The following LTBP1 variants were observed in gnomAD, a reference collection of about 807,000 sequenced individuals.
LTBP1 encodes latent transforming growth factor beta binding protein 1, also known as latent-transforming growth factor beta-binding protein 1.
A neutral mutation model predicts 207.6 loss-of-function variants in LTBP1; 129 were observed. The ratio of observed to expected loss-of-function variants is 0.62; its 90% CI spans 0.54 to 0.72. The LOEUF is 0.72. Among genes scored for constraint, LTBP1 ranks in the 30% least tolerant of loss-of-function variants. The pLI, the probability that LTBP1 is intolerant of heterozygous loss-of-function variation, is 0.00. For synonymous variants in LTBP1, 963 were observed against 833.7 expected (o/e 1.16, Z -2.67); for missense variants, 2,281 against 2,217.2 (o/e 1.03, Z -0.58).
At chr2:33,216,876 C>A (rs1463662643) in intron 7 of LTBP1, among the ~76,000 whole-genome samples, 1 of 152,186 alleles carries the variant, frequency 6.6e-6, no homozygotes, top group Non-Finnish European at 1.5e-5. Flanking sequence ...TAACACTGGA[C>A]AACCAGTGTT....
intron 3 of LTBP1, among the ~76,000 whole-genome samples, chr2:33,106,219 A>T (rs538172414): frequency 6.6e-6 from 1 of 152,318 alleles, no homozygotes; most frequent in South Asian, 2.1e-4. Context: ...AGTGACTTCC[A>T]CTGAAGTCTT....
At chr2:33,092,351 A>C (rs140381682) in intron 3 of LTBP1, among the ~76,000 whole-genome samples, 68 of 152,342 alleles carry the variant, frequency 4.5e-4, no homozygotes, top group African/African-American at 1.6e-3. Flanking sequence ...TGCCATGATA[A>C]AGTTCTTTTT....
chr2:33,204,294 A>T (rs2089644816), intron 7 of LTBP1, among the ~76,000 whole-genome samples: 2 of 150,488 alleles, frequency 1.3e-5, no homozygotes, highest in South Asian at 4.1e-4. Context: ...TCACTGTATG[A>T]GACTGTGCAT....
At chr2:33,273,568 C>T in intron 15 of LTBP1, 88 bp from the exon 16 acceptor site, 2 of 1,043,262 alleles carry the variant, frequency 1.9e-6, no homozygotes, top group South Asian at 1.8e-5. Context: ...GCTAGTTGGT[C>T]AGGAAACTCA....
chr2:33,277,257 G>A (rs906391754), intron 18 of LTBP1, among the ~76,000 whole-genome samples: 1 of 152,178 alleles, frequency 6.6e-6, no homozygotes, highest in Non-Finnish European at 1.5e-5. Flanking sequence ...AGAAGTGGGA[G>A]TGTTTTATGT....
intron 4 of LTBP1, among the ~76,000 whole-genome samples, chr2:33,116,595 GTTTAC>G (rs72340296): frequency 0.053 from 8,023 of 151,900 alleles, 669 homozygotes; most frequent in African/African-American, 0.18. Context: ...CAAGCCCACT[GTTTAC>G]TTAAAGTGTA....
chr2:33,079,410 C>G (rs2078272094), intron 3 of LTBP1, among the ~76,000 whole-genome samples: 1 of 152,092 alleles, frequency 6.6e-6, no homozygotes, highest in Non-Finnish European at 1.5e-5. Context: ...TGGGATATAG[C>G]AATTCATTTA....
intron 2 of LTBP1, among the ~76,000 whole-genome samples, chr2:33,014,751 G>A (rs1688138933): frequency 6.6e-6 from 1 of 152,330 alleles, no homozygotes; most frequent in Admixed American, 6.5e-5. Flanking sequence ...GGATCAGCTT[G>A]TCAAACTGGA....
intron 20 of LTBP1, among the ~76,000 whole-genome samples, chr2:33,295,654 T>A (rs983379726): frequency 2.6e-5 from 4 of 152,150 alleles, no homozygotes; most frequent in Non-Finnish European, 4.4e-5. Flanking sequence ...TTTTTAAAAA[T>A]TTTTTCTTAT....
rs747942815 is a variant in LTBP1, at chr2:33,276,878, C to T, written c.2992+955C>T. ...AAAAACAAAGCAAAACAAAACAAAA[C>T]ACTATGGCACTTTTTTTGCAATTAT... is the stretch of plus-strand genomic sequence containing the variant. On this transcript the variant is annotated intron_variant, in intron 18 of 33. Coordinates refer to ENST00000404816, the MANE Select transcript of LTBP1 (RefSeq NM_206943.4). Among the ~76,000 whole-genome samples the T allele has an allele frequency of 1.3e-5, 2 of 152,202 alleles. 1 individual carries two copies. Among genetic ancestry groups the T allele is most frequent in the Non-Finnish European group, 2.9e-5 (2 of 68,028 alleles).
chr2:33,350,975 C>T (rs1170584403), intron 26 of LTBP1, among the ~76,000 whole-genome samples: 1 of 151,938 alleles, frequency 6.6e-6, no homozygotes, highest in African/African-American at 2.4e-5. Context: ...GAAAAGAATA[C>T]AATGAAAAAT....
intron 8 of LTBP1, among the ~76,000 whole-genome samples, chr2:33,221,544 A>G (rs1573265679): frequency 6.6e-6 from 1 of 152,268 alleles, no homozygotes; most frequent in East Asian, 1.9e-4. Flanking sequence ...TCACCTGCCT[A>G]TTCTTCTCTG....
At chr2:33,141,425 T>C (rs546551852) in intron 5 of LTBP1, among the ~76,000 whole-genome samples, 1 of 152,336 alleles carries the variant, frequency 6.6e-6, no homozygotes, top group East Asian at 1.9e-4. Flanking sequence ...AGATGGTACA[T>C]ATTACATGTA....
At chr2:33,044,127 A>T (rs1476116370) in intron 3 of LTBP1, among the ~76,000 whole-genome samples, 3 of 148,760 alleles carry the variant, frequency 2.0e-5, no homozygotes, top group African/African-American at 2.5e-5. Context: ...AGGAAAAAGT[A>T]TTTTTTTTTT....
intron 5 of LTBP1, among the ~76,000 whole-genome samples, chr2:33,174,375 G>A (rs576884735): frequency 6.4e-4 from 98 of 152,160 alleles, no homozygotes; most frequent in African/African-American, 2.3e-3. Flanking sequence ...GACAAACAGA[G>A]AGCCAAATCA....
rs537923506 is a variant in LTBP1 at position 33,382,927 on chromosome 2, C to T, written c.4712-6257C>T. Among the ~76,000 whole-genome samples, 11 of 152,356 alleles carry T rather than the reference C, an allele frequency of 7.2e-5. No homozygotes were observed. The South Asian group carries it at 2.3e-3, about 32-fold the overall frequency. Reference sequence around the variant, plus strand: ...AGAGCAGGACAGACACCCAGGCAGACATCCAGTCTCACAGTATTGTGGCAA... The same window carrying T: ...AGAGCAGGACAGACACCCAGGCAGATATCCAGTCTCACAGTATTGTGGCAA... On this transcript the variant is annotated intron_variant, in intron 31 of 33. Coordinates refer to ENST00000404816, the MANE Select transcript of LTBP1 (RefSeq NM_206943.4).
intron 7 of LTBP1, among the ~76,000 whole-genome samples, chr2:33,190,208 G>A (rs549130259): frequency 6.6e-6 from 1 of 152,228 alleles, no homozygotes; most frequent in South Asian, 2.1e-4. Flanking sequence ...TCCATTATGT[G>A]GTAATGATGG....
intron 31 of LTBP1, among the ~76,000 whole-genome samples, chr2:33,369,554 C>T (rs184209728): frequency 4.2e-5 from 6 of 142,924 alleles, no homozygotes; most frequent in Admixed American, 4.1e-4. Context: ...GGAGGTAGCC[C>T]CAAAGGAACT....
rs35334788 is a variant in LTBP1, at chr2:33,087,084, CTTTTTTTT to C, written c.864-23481_864-23474del. On this transcript the variant is annotated intron_variant, in intron 3 of 33. Coordinates refer to ENST00000404816, the MANE Select transcript of LTBP1 (RefSeq NM_206943.4). ...AGCACCAGGCTGTCCCTCCTTTATG[CTTTTTTTT>C]TTTTTTTTTTTTTTTTGGAGAAAGG... Among the ~76,000 whole-genome samples the C allele has an allele frequency of 2.5e-3, 221 of 88,944 alleles. 2 individuals are homozygous for C. Among genetic ancestry groups the C allele is most frequent in the East Asian group, 0.014 (52 of 3,600 alleles). The allele number at this position is 88,944 out of a possible 152,430, so 58.4% of individuals were successfully genotyped here.
Sources: allele counts gnomAD v4.1 joint callset (sites outside exome capture counted in the v4.1 genomes callset), GRCh38; gene constraint gnomAD v4.1.1; transcripts MANE v1.5; gene names NCBI Gene and HGNC (gene_info 2026-07-23, HGNC 2026-07-21).